AGAP1: variants seen among roughly 807,000 people sequenced by gnomAD.
AGAP1 encodes arf-GAP with GTPase, ANK repeat and PH domain-containing protein 1.
A neutral mutation model predicts 105.3 loss-of-function variants in AGAP1; 29 were observed. The ratio of observed to expected loss-of-function variants is 0.28; its 90% CI spans 0.21 to 0.38. The LOEUF (loss-of-function observed/expected upper bound fraction) is 0.38. AGAP1 is among the 10% of genes least tolerant of loss of function. The pLI is 1.00. For missense variants in AGAP1, 998 were observed against 1,165.1 expected, an observed-to-expected ratio of 0.86 and a Z score of 2.09; for synonymous variants, 509 against 485.9, an observed-to-expected ratio of 1.05 and a Z score of -0.63.
Position 235,994,649 on chromosome 2 carries a change from G to A in AGAP1, c.1645+26026G>A, listed in dbSNP as rs114601799. ...ACGCCTCGCAGCCCGATGATACAGA[G>A]ACGGGGCAGCAGTGGAGAGCTCGGC... On this transcript the variant is annotated intron_variant, in intron 13 of 17. Coordinates refer to ENST00000304032, the MANE Select transcript of AGAP1 (RefSeq NM_001037131.3). This position sits in a 1 kb window ranked among gnomAD's most constrained non-coding sequence, Gnocchi z 4.4. Among the ~76,000 whole-genome samples, 1 of 152,278 alleles carries A rather than the reference G, an allele frequency of 6.6e-6. No homozygotes were observed. Among genetic ancestry groups the A allele is most frequent in the African/African-American group, 2.4e-5 (1 of 41,562 alleles).
chr2:236,003,560 C>T lies in AGAP1; in HGVS notation c.1646-33001C>T, dbSNP rs1433143277. 6.6e-6 allele frequency among the ~76,000 whole-genome samples: 1 copy of T among 152,208 alleles called. No individual in the cohort carries two copies. The highest frequency in any genetic ancestry group is 1.5e-5 in the Non-Finnish European group (1 of 68,032). On this transcript the variant is annotated intron_variant, in intron 13 of 17. Transcript: ENST00000304032. The surrounding 1 kb of genome is among the most constrained non-coding windows in gnomAD (Gnocchi z 4.2). ...CAGAGTCACCCGCAGCCCCCCTGCG[C>T]TGCTGCTGCCCGCATGGGGTACCCT... is the stretch of plus-strand genomic sequence containing the variant.
chr2:235,853,442 A>G (rs1370111636), intron 9 of AGAP1, among the ~76,000 whole-genome samples: 1 of 152,184 alleles, frequency 6.6e-6, no homozygotes, highest in Non-Finnish European at 1.5e-5. Context: ...AAATCTCTCA[A>G]TACCCTAGGG....
At chr2:235,592,523 C>A (rs1443109712) in intron 1 of AGAP1, among the ~76,000 whole-genome samples, 2 of 152,132 alleles carry the variant, frequency 1.3e-5, no homozygotes, top group Non-Finnish European at 2.9e-5. Context: ...GGGCTTGCGG[C>A]TTGTGGCATG....
In AGAP1 at chr2:235,799,854, T is replaced by C. The variant is rs1330921789; in HGVS notation, c.957+332T>C. ...ATGACAAAACTCTAAGATTCCCAGA[T>C]GTGTGTCTCTAACCGTTCAGATGAT... On this transcript the variant is annotated intron_variant, in intron 8 of 17. Coordinates refer to ENST00000304032, the MANE Select transcript of AGAP1 (RefSeq NM_001037131.3). The surrounding 1 kb of genome is among the most constrained non-coding windows in gnomAD (Gnocchi z 5.0). Among the ~76,000 whole-genome samples, 2 of 152,108 alleles carry C rather than the reference T, an allele frequency of 1.3e-5. No homozygotes were observed. Among genetic ancestry groups the C allele is most frequent in the South Asian group, 2.1e-4 (1 of 4,828 alleles).
intron 13 of AGAP1, among the ~76,000 whole-genome samples, chr2:236,032,801 A>C (rs1451535391): frequency 1.3e-5 from 2 of 152,170 alleles, no homozygotes; most frequent in African/African-American, 4.8e-5. Flanking sequence ...AGAAGGTATG[A>C]GGGGACCAGG....
chr2:235,852,569 A>T, intron 9 of AGAP1: 1 of 997,574 alleles, frequency 1.0e-6, no homozygotes, highest in Non-Finnish European at 1.4e-6. Context: ...TTTATCTCTT[A>T]ATGAATAGAG....
At chr2:235,815,651 G>T (rs977466240) in intron 9 of AGAP1, among the ~76,000 whole-genome samples, 10 of 152,078 alleles carry the variant, frequency 6.6e-5, no homozygotes, top group African/African-American at 2.4e-4. Flanking sequence ...AAGGCCACTT[G>T]ATTTCTAACC....
chr2:235,796,854 A>C (rs941103432), intron 6 of AGAP1, among the ~76,000 whole-genome samples: 2 of 152,236 alleles, frequency 1.3e-5, no homozygotes, highest in African/African-American at 2.4e-5. Context: ...TATTCAAATC[A>C]AAAGTGTAGT....
chr2:235,750,295 A>G lies in AGAP1; in HGVS notation c.539-59A>G, dbSNP rs1559433743. ...TGGTTTTCCGTGTTGTGGGGAGTGT[A>G]GGAAGTATTTAGAGCTGTCATTGTC... On this transcript the variant is annotated intron_variant, in intron 5 of 17. Coordinates refer to ENST00000304032, the MANE Select transcript of AGAP1 (RefSeq NM_001037131.3). The surrounding 1 kb of genome is among the most constrained non-coding windows in gnomAD (Gnocchi z 5.3). The G allele has an allele frequency of 1.9e-6, 3 of 1,606,840 alleles. No individual in the cohort carries two copies. The highest frequency in any genetic ancestry group is 2.6e-6 in the Non-Finnish European group (3 of 1,174,190).
In AGAP1 at chr2:235,989,995, G is replaced by A. The variant is rs2055492515; in HGVS notation, c.1645+21372G>A. ...AGGTTAAGATCAGCTAGATCTGTGT[G>A]AAGGACCAGTGTCTCACGGAGATTC... On this transcript the variant is annotated intron_variant, in intron 13 of 17. Transcript: ENST00000304032. This position sits in a 1 kb window ranked among gnomAD's most constrained non-coding sequence, Gnocchi z 4.4. Among the ~76,000 whole-genome samples, 1 of 152,142 alleles carries A rather than the reference G, an allele frequency of 6.6e-6. No homozygotes were observed. The highest frequency in any genetic ancestry group is 1.5e-5 in the Non-Finnish European group (1 of 68,014).
chr2:235,880,014 G>A (rs13410571), intron 9 of AGAP1, among the ~76,000 whole-genome samples: 4,261 of 151,252 alleles, frequency 0.028, 196 homozygotes, highest in African/African-American at 0.095. Context: ...CAGGAGGAAG[G>A]AGGGAGGATC....
At chr2:235,637,118 G>A (rs191408295) in intron 1 of AGAP1, among the ~76,000 whole-genome samples, 2 of 152,236 alleles carry the variant, frequency 1.3e-5, no homozygotes, top group Admixed American at 6.5e-5. Context: ...GCAGCCCCAG[G>A]AAACTAAAAC....
chr2:235,852,554 CAAGT>C, intron 9 of AGAP1: 2 of 862,864 alleles, frequency 2.3e-6, no homozygotes, highest in East Asian at 6.6e-5. Flanking sequence ...AGCCGTCAGT[CAAGT>C]TTTATCTCTT....
chr2:235,996,861 AAG>A (rs1176372298), intron 13 of AGAP1, among the ~76,000 whole-genome samples: 1 of 152,250 alleles, frequency 6.6e-6, no homozygotes, highest in Non-Finnish European at 1.5e-5. Context: ...GAACCACTGA[AAG>A]AGATTAATCC....
intron 1 of AGAP1, among the ~76,000 whole-genome samples, chr2:235,675,321 G>C (rs1443512270): frequency 6.6e-6 from 1 of 151,662 alleles, no homozygotes; most frequent in African/African-American, 2.4e-5. Context: ...TCTCCGAATA[G>C]CTGGGACTAC....
rs1265953172 is a variant in AGAP1 at position 236,113,250 on chromosome 2, C to G, written c.2115-6942C>G. Among the ~76,000 whole-genome samples the G allele has an allele frequency of 1.3e-5, 2 of 150,418 alleles. No homozygotes were observed. The highest frequency in any genetic ancestry group is 3.0e-5 in the Non-Finnish European group (2 of 67,162). On this transcript the variant is annotated intron_variant, in intron 16 of 17. Coordinates refer to ENST00000304032, the MANE Select transcript of AGAP1 (RefSeq NM_001037131.3). The surrounding 1 kb of genome is among the most constrained non-coding windows in gnomAD (Gnocchi z 4.3). Reference sequence around the variant, plus strand: ...CCGCCTCCCGGGTTCAAGCAATTCTCTGCCTCAGCCCCCCCGAGTAGCTGG... The same window carrying G: ...CCGCCTCCCGGGTTCAAGCAATTCTGTGCCTCAGCCCCCCCGAGTAGCTGG...
In AGAP1 at chr2:236,062,808, C is replaced by T. The variant is rs573571038; in HGVS notation, c.2114+13527C>T. 1.2e-4 allele frequency among the ~76,000 whole-genome samples: 19 copies of T among 152,098 alleles called. No individual in the cohort carries two copies. The highest frequency in any genetic ancestry group is 1.5e-5 in the Non-Finnish European group (1 of 67,996). On this transcript the variant is annotated intron_variant, in intron 16 of 17. Transcript: ENST00000304032. This position sits in a 1 kb window ranked among gnomAD's most constrained non-coding sequence, Gnocchi z 4.2. The stretch of plus-strand genomic sequence containing the variant: ...TCCCAAGTAGCTGGGATTACAGGCT[C>T]CCGCCACCTTACCCAGCTAATGTTT...
At chr2:235,544,308 A>G (rs373984831) in intron 1 of AGAP1, among the ~76,000 whole-genome samples, 20 of 152,154 alleles carry the variant, frequency 1.3e-4, no homozygotes, top group East Asian at 9.7e-4. Flanking sequence ...AAATTGTGCA[A>G]GAAACGCACC....
chr2:235,800,439 A>T (rs574666014), intron 8 of AGAP1, among the ~76,000 whole-genome samples: 1 of 152,134 alleles, frequency 6.6e-6, no homozygotes, highest in South Asian at 2.1e-4. Context: ...GGTGATTGAG[A>T]TGCAGAGAAT....
Sources: gnomAD v4.1 joint callset for allele counts (sites outside exome capture counted in the v4.1 genomes callset) on GRCh38, gnomAD v4.1.1 for gene constraint, Gnocchi (gnomAD v3.1) non-coding constraint, MANE v1.5 for transcripts, NCBI Gene and HGNC (gene_info 2026-07-23, HGNC 2026-07-21) for gene names.